LYSET: variants seen among roughly 807,000 people sequenced by gnomAD.
LYSET encodes lysosomal enzyme trafficking factor.
At chr14:93,185,297 C>T in the LYSET span, 1 of 1,041,396 alleles carries the variant, frequency 9.6e-7, no homozygotes, top group East Asian at 2.7e-5. Flanking sequence ...TGACCCGCCG[C>T]AGTCACGCCG....
At chr14:93,185,899 C>T in the LYSET span, among the ~76,000 whole-genome samples, 1 of 146,556 alleles carries the variant, frequency 6.8e-6, no homozygotes. Flanking sequence ...GACAGAGTCT[C>T]GCTCTGTCGC....
At chr14:93,185,451 C>T in the LYSET span, 2 of 1,613,506 alleles carry the variant, frequency 1.2e-6, no homozygotes, top group South Asian at 1.1e-5. Context: ...CTCTTTAACG[C>T]TTGCCGTGGG....
the LYSET span, chr14:93,186,748 T>G: frequency 6.9e-7 from 1 of 1,442,836 alleles, no homozygotes; most frequent in East Asian, 2.3e-5. Flanking sequence ...CTGCAGTTTC[T>G]TCACAGATCT....
At chr14:93,185,196 G>T in the LYSET span, 1 of 253,646 alleles carries the variant, frequency 3.9e-6, no homozygotes, top group East Asian at 7.2e-5. Flanking sequence ...GGGGCCGGCC[G>T]CCCGGAGGCC....
chr14:93,186,408 C>T, the LYSET span: 2 of 1,614,202 alleles, frequency 1.2e-6, no homozygotes, highest in Non-Finnish European at 1.7e-6. Context: ...CATTCAACAG[C>T]ACCCTGAGGA....
At chr14:93,185,188 G>T in the LYSET span, 1 of 225,174 alleles carries the variant, frequency 4.4e-6, no homozygotes, top group Non-Finnish European at 8.6e-6. Flanking sequence ...CAGGGGGCGG[G>T]GCCGGCCGCC....
chr14:93,187,748 A>T, the LYSET span, among the ~76,000 whole-genome samples: 1 of 152,102 alleles, frequency 6.6e-6, no homozygotes, highest in South Asian at 2.1e-4. Context: ...TCTCGGGTTT[A>T]AGCGATTCTC....
At chr14:93,188,078 A>G in the LYSET span, among the ~76,000 whole-genome samples, 2 of 133,936 alleles carry the variant, frequency 1.5e-5, no homozygotes, top group African/African-American at 5.6e-5. Context: ...CCTGCCTCAG[A>G]CTCCCGAGTA....
the LYSET span, chr14:93,185,585 T>A: frequency 9.9e-7 from 1 of 1,006,468 alleles, no homozygotes; most frequent in Non-Finnish European, 1.5e-6. Context: ...GTGTTTCACC[T>A]GTCAAAGTGA....
the LYSET span, chr14:93,185,341 G>C: frequency 6.6e-7 from 1 of 1,513,142 alleles, no homozygotes; most frequent in Non-Finnish European, 9.1e-7. Context: ...CTCCAGGCTG[G>C]CGGCGCTCAC....
the LYSET span, chr14:93,186,137 G>A: frequency 2.2e-5 from 20 of 898,360 alleles, no homozygotes; most frequent in Non-Finnish European, 3.4e-5. Flanking sequence ...CCAAAGTGCT[G>A]GGATTACAGG....
At chr14:93,186,783 C>G in the LYSET span, 1 of 1,215,670 alleles carries the variant, frequency 8.2e-7, no homozygotes, top group Non-Finnish European at 1.1e-6. Context: ...GGGGCAGAGG[C>G]TTTTTAAAAA....
chr14:93,185,957 C>T, the LYSET span, among the ~76,000 whole-genome samples: 1 of 151,536 alleles, frequency 6.6e-6, no homozygotes, highest in Non-Finnish European at 1.5e-5. Context: ...CAAGCTCTGC[C>T]TCCTGGGTTC....
At chr14:93,186,165 G>T in the LYSET span, 21 of 1,302,876 alleles carry the variant, frequency 1.6e-5, no homozygotes, top group Non-Finnish European at 1.9e-5. Flanking sequence ...CACCGCGCCC[G>T]GCCTAGAATT....
chr14:93,186,289 G>A, the LYSET span: 5 of 1,613,472 alleles, frequency 3.1e-6, no homozygotes, highest in South Asian at 1.1e-5. Context: ...ATGAACTTCC[G>A]TCAGCGGATG....
the LYSET span, chr14:93,186,184 TA>T: frequency 7.0e-7 from 1 of 1,421,330 alleles, no homozygotes. Flanking sequence ...TTCTTGGAGA[TA>T]AAGCAAGTAC....
the LYSET span, chr14:93,186,193 T>G: frequency 1.4e-6 from 2 of 1,456,574 alleles, no homozygotes; most frequent in East Asian, 2.6e-5. Context: ...ATAAAGCAAG[T>G]ACATTTGGAG....
chr14:93,186,754 G>A, the LYSET span: 3 of 1,426,392 alleles, frequency 2.1e-6, no homozygotes, highest in African/African-American at 4.3e-5. Flanking sequence ...TTTCTTCACA[G>A]ATCTCAGGAA....
chr14:93,186,777 C>T, the LYSET span: 5 of 1,268,938 alleles, frequency 3.9e-6, no homozygotes, highest in South Asian at 3.3e-5. Flanking sequence ...TGTCGTGGGG[C>T]AGAGGCTTTT....
Sources: gnomAD v4.1 joint callset for allele counts (sites outside exome capture counted in the v4.1 genomes callset) on GRCh38, gnomAD v4.1.1 for gene constraint, MANE v1.5 for transcripts, NCBI Gene and HGNC (gene_info 2026-07-23, HGNC 2026-07-21) for gene names.